The following LSAMP variants were observed in gnomAD, a reference collection of about 807,000 sequenced individuals.
LSAMP encodes the protein limbic system associated membrane protein.
Under a neutral mutation model 38.6 loss-of-function variants are expected in LSAMP, and 7 were observed. That is an observed-to-expected ratio of 0.18 (90% confidence interval 0.10 to 0.34). The LOEUF is 0.34. Among genes scored for constraint, LSAMP ranks in the 10% least tolerant of loss-of-function variants. The pLI is 1.00. For synonymous variants in LSAMP, 154 were observed against 166.8 expected, an observed-to-expected ratio of 0.92 and a Z score of 0.59; for missense variants, 313 against 420.0, an observed-to-expected ratio of 0.75 and a Z score of 2.23.
chr3:116,093,112 A>G (rs1253880368), intron 1 of LSAMP, among the ~76,000 whole-genome samples: 2 of 152,228 alleles, frequency 1.3e-5, no homozygotes, highest in Admixed American at 1.3e-4. Flanking sequence ...CTGGATGGGT[A>G]AGAGAAATCT....
chr3:116,230,381 T>C (rs1351053837), intron 1 of LSAMP, among the ~76,000 whole-genome samples: 2 of 152,178 alleles, frequency 1.3e-5, no homozygotes, highest in Admixed American at 6.5e-5. Flanking sequence ...AAAAAGTGAA[T>C]GGATGGTAAA....
intron 6 of LSAMP, chr3:115,834,501 A>G: frequency 8.9e-7 from 1 of 1,124,492 alleles, no homozygotes. Flanking sequence ...TGTGTTTTGC[A>G]TGTTAAAGAT....
chr3:116,203,382 T>A (rs1308866998), intron 1 of LSAMP, among the ~76,000 whole-genome samples: 2 of 51,930 alleles, frequency 3.9e-5, no homozygotes, highest in Non-Finnish European at 5.7e-5. Context: ...TTCTCAAATT[T>A]CTTTTTATTT....
At chr3:116,163,176 T>C (rs1461586913) in intron 1 of LSAMP, among the ~76,000 whole-genome samples, 3 of 150,770 alleles carry the variant, frequency 2.0e-5, no homozygotes, top group Non-Finnish European at 4.4e-5. Context: ...CTGCACCCAT[T>C]AACTCGTCAT....
intron 1 of LSAMP, among the ~76,000 whole-genome samples, chr3:116,338,855 T>G (rs2047954997): frequency 6.6e-6 from 1 of 152,166 alleles, no homozygotes; most frequent in African/African-American, 2.4e-5. Context: ...CTTCTGTGAA[T>G]ACATCAACTC....
rs78679126 is a variant in LSAMP, at chr3:116,370,559, G to A, written c.155+74318C>T. On this transcript the variant is annotated intron_variant, in intron 1 of 6. Transcript: ENST00000490035. Reference sequence around the variant, plus strand: ...ACCCCCAGTGTCTTGGCAGGCAGTTGTACACATATTACCTAAGCAGCATGC... The same window carrying A: ...ACCCCCAGTGTCTTGGCAGGCAGTTATACACATATTACCTAAGCAGCATGC... Among the ~76,000 whole-genome samples the A allele has an allele frequency of 2.2e-4, 34 of 152,282 alleles. 1 individual carries two copies. The East Asian group carries it at 6.6e-3, about 29-fold the overall frequency.
intron 3 of LSAMP, among the ~76,000 whole-genome samples, chr3:115,888,313 T>C (rs974601967): frequency 6.6e-6 from 1 of 151,986 alleles, no homozygotes; most frequent in Non-Finnish European, 1.5e-5. Flanking sequence ...CATCCCTTAA[T>C]ACATTGCTGT....
chr3:115,885,756 T>C (rs188454288), intron 3 of LSAMP, among the ~76,000 whole-genome samples: 1 of 151,884 alleles, frequency 6.6e-6, no homozygotes, highest in Admixed American at 6.6e-5. Flanking sequence ...ATGGCAAGGC[T>C]TAAGTTAGAG....
At chr3:116,055,662 T>C (rs537116105) in intron 2 of LSAMP, among the ~76,000 whole-genome samples, 1 of 152,344 alleles carries the variant, frequency 6.6e-6, no homozygotes, top group South Asian at 2.1e-4. Flanking sequence ...TTCCTGGTCC[T>C]GGCTCACCCT....
chr3:116,192,095 C>T (rs962194652), intron 1 of LSAMP, among the ~76,000 whole-genome samples: 2 of 152,160 alleles, frequency 1.3e-5, no homozygotes, highest in East Asian at 3.9e-4. Context: ...ATGTATTATT[C>T]TTGTAACTAA....
At chr3:116,358,800 AT>A (rs1463717673) in intron 1 of LSAMP, among the ~76,000 whole-genome samples, 1 of 152,218 alleles carries the variant, frequency 6.6e-6, no homozygotes. Context: ...TTTTAATAAC[AT>A]TTTTAAAATG....
At chr3:115,883,659 G>C (rs939384143) in intron 3 of LSAMP, among the ~76,000 whole-genome samples, 3 of 152,038 alleles carry the variant, frequency 2.0e-5, no homozygotes, top group African/African-American at 7.2e-5. Flanking sequence ...ATCCACATCT[G>C]TAGGAATCCC....
At chr3:116,125,698 C>T (rs1415477341) in intron 1 of LSAMP, among the ~76,000 whole-genome samples, 1 of 152,162 alleles carries the variant, frequency 6.6e-6, no homozygotes, top group Non-Finnish European at 1.5e-5. Flanking sequence ...TCTGACCTCA[C>T]CTTCAATCCA....
intron 2 of LSAMP, among the ~76,000 whole-genome samples, chr3:116,076,313 A>G (rs1020771189): frequency 6.6e-5 from 10 of 152,038 alleles, no homozygotes; most frequent in Non-Finnish European, 1.0e-4. Flanking sequence ...GCTGGAGTGC[A>G]GTGGCGCGGT....
At chr3:115,866,463 T>TA in intron 3 of LSAMP, among the ~76,000 whole-genome samples, 1 of 152,292 alleles carries the variant, frequency 6.6e-6, no homozygotes, top group South Asian at 2.1e-4. Context: ...AAATGTACGT[T>TA]ACCTTTCTTG....
At chr3:116,278,026 G>A (rs920906781) in intron 1 of LSAMP, among the ~76,000 whole-genome samples, 2 of 152,150 alleles carry the variant, frequency 1.3e-5, no homozygotes, top group Non-Finnish European at 2.9e-5. Flanking sequence ...ACATTTAGGA[G>A]AGAAACTGAA....
At chr3:116,292,621 G>T (rs996661444) in intron 1 of LSAMP, among the ~76,000 whole-genome samples, 2 of 152,114 alleles carry the variant, frequency 1.3e-5, no homozygotes, top group Admixed American at 1.3e-4. Context: ...ACAAATGTAC[G>T]ATTTTGTTTA....
chr3:116,039,799 G>C (rs980109285), intron 2 of LSAMP, among the ~76,000 whole-genome samples: 2 of 152,138 alleles, frequency 1.3e-5, no homozygotes, highest in African/African-American at 4.8e-5. Context: ...ACAGCAAATT[G>C]GCTGCAATAC....
intron 1 of LSAMP, among the ~76,000 whole-genome samples, chr3:116,439,791 T>C (rs1471466057): frequency 6.6e-6 from 1 of 152,228 alleles, no homozygotes; most frequent in Non-Finnish European, 1.5e-5. Flanking sequence ...GGCGCGATCT[T>C]GGCTCACTGC....
Sources: gnomAD v4.1 joint callset for allele counts (sites outside exome capture counted in the v4.1 genomes callset) on GRCh38, gnomAD v4.1.1 for gene constraint, MANE v1.5 for transcripts, NCBI Gene and HGNC (gene_info 2026-07-23, HGNC 2026-07-21) for gene names.